The following MBTPS1 variants were observed in gnomAD, a reference collection of about 807,000 sequenced individuals.
MBTPS1 encodes the protein membrane-bound transcription factor site-1 protease.
A neutral mutation model predicts 127.8 loss-of-function variants in MBTPS1; 94 were observed. The ratio of observed to expected loss-of-function variants is 0.74; its 90% CI spans 0.62 to 0.87. The LOEUF (loss-of-function observed/expected upper bound fraction) is 0.87. MBTPS1 is among the 40% of genes least tolerant of loss of function. The pLI is 0.00. For synonymous variants in MBTPS1, 632 were observed against 509.4 expected (o/e 1.24, Z -3.24); for missense variants, 1,636 against 1,353.2 (o/e 1.21, Z -3.28).
At chr16:84,080,083 T>A (rs1381386090) in intron 11 of MBTPS1, among the ~76,000 whole-genome samples, 1 of 152,200 alleles carries the variant, frequency 6.6e-6, no homozygotes, top group Non-Finnish European at 1.5e-5. Flanking sequence ...GCTGGACACA[T>A]GCTGAAAACA....
rs773538029 is a variant in MBTPS1, at chr16:84,060,800, A to C, written c.2586T>G (p.Leu862=). ...DSHRQKDCFW[L]LDALLQYTSY... ...ATGTGTACTGGAGGAGGGCATCCAG[A>C]AGCCAAAAGCAGTCTGCGAAGTCAA... is the stretch of plus-strand genomic sequence containing the variant. Residue 862 remains leucine, a synonymous_variant, in exon 20 of 23, where the codon CTT becomes CTG. Transcript: ENST00000343411. 2.5e-6 allele frequency: 4 copies of C among 1,585,996 alleles called. No homozygotes were observed. The African/African-American group carries it at 5.4e-5, about 21-fold the overall frequency.
At chr16:84,056,480 G>A in intron 21 of MBTPS1, 1 of 201,138 alleles carries the variant, frequency 5.0e-6, no homozygotes, top group Non-Finnish European at 1.0e-5. Flanking sequence ...GGGAGGAGCT[G>A]AAGCCTGCTG....
At chr16:84,091,338 T>C (rs1379428338) in intron 7 of MBTPS1, among the ~76,000 whole-genome samples, 3 of 151,832 alleles carry the variant, frequency 2.0e-5, no homozygotes, top group East Asian at 3.9e-4. Context: ...ATAGCAAAAT[T>C]AGCCGGGCAT....
At position 84,063,339 on chromosome 16, in the gene MBTPS1, G is replaced by A. The variant is rs1181233999; in HGVS notation, c.2538C>T (p.Asp846=). Residue 846 remains aspartate, a synonymous_variant, in exon 19 of 23, where the codon GAC becomes GAT. Transcript: ENST00000343411. The part of the protein sequence containing the change: ...EGGGRIVLYG[D]SNCLDDSHRQ... Reference sequence around the variant, plus strand: ...GGTGACTGTCATCCAAGCAATTGGAGTCCCCATACAGTACAATCCGGCCTC... The same window carrying A: ...GGTGACTGTCATCCAAGCAATTGGAATCCCCATACAGTACAATCCGGCCTC... The A allele has an allele frequency of 6.2e-7, 1 of 1,613,572 alleles. No homozygotes were observed. The highest frequency in any genetic ancestry group is 8.5e-7 in the Non-Finnish European group (1 of 1,179,698).
chr16:84,058,298 G>A (rs2085550152), intron 21 of MBTPS1, among the ~76,000 whole-genome samples: 1 of 152,224 alleles, frequency 6.6e-6, no homozygotes, highest in Non-Finnish European at 1.5e-5. Context: ...CTTCACACGG[G>A]CACTCTCCTC....
chr16:84,085,230 A>C, intron 9 of MBTPS1, 96 bp from the exon 10 acceptor site: 1 of 1,238,380 alleles, frequency 8.1e-7, no homozygotes, highest in Non-Finnish European at 1.1e-6. Context: ...GATATGGGTT[A>C]GTTAAAAACT....
At chr16:84,111,422 T>C (rs2086394855) in intron 1 of MBTPS1, among the ~76,000 whole-genome samples, 1 of 151,838 alleles carries the variant, frequency 6.6e-6, no homozygotes, top group Non-Finnish European at 1.5e-5. Context: ...GTGCCTGTAA[T>C]CCTAGCTACC....
intron 10 of MBTPS1, among the ~76,000 whole-genome samples, chr16:84,084,177 T>C (rs950143989): frequency 3.2e-4 from 49 of 152,250 alleles, no homozygotes; most frequent in African/African-American, 1.1e-3. Context: ...CAGGCTGGTC[T>C]TGAACTCCTG....
intron 9 of MBTPS1, among the ~76,000 whole-genome samples, chr16:84,085,584 A>C (rs12444858): frequency 0.03 from 900 of 30,348 alleles, 49 homozygotes; most frequent in Admixed American, 0.23. Flanking sequence ...CCCCCCCCAA[A>C]AAAAAAGAGA....
chr16:84,066,499 GGC>G lies in MBTPS1; in HGVS notation c.2341_2342del (p.Ala781GlnfsTer3). On this transcript the variant is annotated frameshift_variant, in exon 17 of 23. Coordinates refer to ENST00000343411, the MANE Select transcript of MBTPS1 (RefSeq NM_003791.4). LOFTEE classifies it high-confidence loss of function. Reference sequence around the variant, plus strand: ...GAAACAGAGCCTTACTGTCATGGTTGGCCAGGGTGAACTCCCCTTCATACAGG... The same window carrying G: ...GAAACAGAGCCTTACTGTCATGGTTGCAGGGTGAACTCCCCTTCATACAGG... ...DGLYEGEFTL[A>X]NHDMYYASGC... is the part of the protein sequence containing the mutation. 6.2e-7 allele frequency: 1 copy of G among 1,613,922 alleles called. No homozygotes were observed. Among genetic ancestry groups the G allele is most frequent in the Non-Finnish European group, 8.5e-7 (1 of 1,179,892 alleles).
At chr16:84,080,870 A>C (rs867641952) in intron 11 of MBTPS1, among the ~76,000 whole-genome samples, 3 of 152,208 alleles carry the variant, frequency 2.0e-5, no homozygotes, top group Non-Finnish European at 4.4e-5. Flanking sequence ...ATGTAATCCT[A>C]GCTTGACGTC....
At position 84,099,238 on chromosome 16, in the gene MBTPS1, C is replaced by A. The variant is rs766406748; in HGVS notation, c.236G>T (p.Ser79Ile). Residue 79 changes from serine to isoleucine, a missense_variant, in exon 3 of 23, where the codon AGC becomes ATC. Transcript: ENST00000343411. The part of the protein sequence containing the change: ...RNSFISSALK[S>I]SEVDNWRIIP... ...AATTCTCCAATTGTCTACTTCACTG[C>A]TCTTCAGGGCACTTGAAATAAATGA... 5 of 1,614,096 alleles carry A rather than the reference C, an allele frequency of 3.1e-6. No individual in the cohort carries two copies. Among genetic ancestry groups the A allele is most frequent in the Non-Finnish European group, 4.2e-6 (5 of 1,179,946 alleles).
At chr16:84,109,103 A>G (rs1444842439) in intron 1 of MBTPS1, among the ~76,000 whole-genome samples, 2 of 152,222 alleles carry the variant, frequency 1.3e-5, no homozygotes, top group Non-Finnish European at 2.9e-5. Flanking sequence ...TTGGTTCTAA[A>G]TATCACTCTC....
intron 11 of MBTPS1, 54 bp from the exon 12 acceptor site, chr16:84,074,795 G>A (rs1471435724): frequency 5.3e-6 from 8 of 1,500,236 alleles, no homozygotes; most frequent in South Asian, 1.2e-5. Context: ...CTACAATGAA[G>A]CAACACAACT....
chr16:84,111,517 G>C (rs867117144), intron 1 of MBTPS1, among the ~76,000 whole-genome samples: 1 of 151,640 alleles, frequency 6.6e-6, no homozygotes, highest in African/African-American at 2.4e-5. Context: ...CTCCAGCCTG[G>C]GCAACAGAGA....
chr16:84,101,883 T>C lies in MBTPS1; in HGVS notation c.-100A>G. 8.8e-7 allele frequency: 1 copy of C among 1,130,268 alleles called. No homozygotes were observed. Among genetic ancestry groups the C allele is most frequent in the Non-Finnish European group, 1.3e-6 (1 of 770,574 alleles). The allele number at this position is 1,130,268 out of a possible 1,614,324, so 70.0% of individuals were successfully genotyped here. On this transcript the variant is annotated 5_prime_UTR_variant, in exon 2 of 23. An upstream start codon of the reference 5' UTR is lost. Coordinates refer to ENST00000343411, the MANE Select transcript of MBTPS1 (RefSeq NM_003791.4). The stretch of plus-strand genomic sequence containing the variant: ...TTTGTTTCAGCTAAAAGCTGCAACA[T>C]TACTAATCAGCCATCTTACAGTCTT...
At chr16:84,091,882 T>G in intron 6 of MBTPS1, 34 bp from the exon 7 acceptor site, 1 of 1,235,188 alleles carries the variant, frequency 8.1e-7, no homozygotes, top group African/African-American at 1.5e-5. Context: ...GCTTAGTGTT[T>G]CAATCAAGTT....
chr16:84,060,650 C>T (rs144966326), intron 20 of MBTPS1, 32 bp downstream of exon 20: 1 of 1,603,450 alleles, frequency 6.2e-7, no homozygotes, highest in Admixed American at 1.7e-5. Flanking sequence ...GGATCCAATT[C>T]CCTCCCCAAG....
intron 11 of MBTPS1, among the ~76,000 whole-genome samples, chr16:84,076,024 G>T (rs527824215): frequency 6.6e-6 from 1 of 152,152 alleles, no homozygotes; most frequent in African/African-American, 2.4e-5. Context: ...AATTCAACAT[G>T]ATTTAACTAG....
Sources: gnomAD v4.1 joint callset for allele counts (sites outside exome capture counted in the v4.1 genomes callset) on GRCh38, gnomAD v4.1.1 for gene constraint, MANE v1.5 for transcripts, NCBI Gene and HGNC (gene_info 2026-07-23, HGNC 2026-07-21) for gene names.